Variants in CX3CR1 observed in about 807,000 individuals in gnomAD.
CX3CR1 encodes CX3C chemokine receptor 1.
For missense variants in CX3CR1, 363 were observed against 432.4 expected (o/e 0.84, Z 1.42); for synonymous variants, 168 against 178.5 (o/e 0.94, Z 0.47).
chr3:39,283,357 T>C (rs1169772210), upstream of CX3CR1, among the ~76,000 whole-genome samples: 1 of 152,178 alleles, frequency 6.6e-6, no homozygotes, highest in Non-Finnish European at 1.5e-5. Context: ...GAGGTGGTAT[T>C]ACTTCCAAGG....
upstream of CX3CR1, among the ~76,000 whole-genome samples, chr3:39,282,825 C>T (rs2040915843): frequency 6.6e-6 from 1 of 152,178 alleles, no homozygotes; most frequent in Non-Finnish European, 1.5e-5. Context: ...GAGGCAATGT[C>T]CTAAGTCCTC....
At chr3:39,284,927 G>A (rs1305699827), upstream of CX3CR1, among the ~76,000 whole-genome samples, 1 of 152,228 alleles carries the variant, frequency 6.6e-6, no homozygotes, top group Non-Finnish European at 1.5e-5. Flanking sequence ...TGAGGGTCAA[G>A]TGAGCATCCA....
the CX3CR1 span, among the ~76,000 whole-genome samples, chr3:39,292,211 G>A: frequency 6.6e-6 from 1 of 152,208 alleles, no homozygotes; most frequent in Non-Finnish European, 1.5e-5. Context: ...TGAGAGCTGG[G>A]TGTTCTCAGC....
At chr3:39,280,842 A>G (rs2040888881), upstream of CX3CR1, among the ~76,000 whole-genome samples, 2 of 152,130 alleles carry the variant, frequency 1.3e-5, no homozygotes, top group African/African-American at 4.8e-5. Flanking sequence ...CGTGAATCTC[A>G]ACTGCCACTG....
upstream of CX3CR1, among the ~76,000 whole-genome samples, chr3:39,284,187 T>G (rs953913600): frequency 2.6e-5 from 4 of 151,808 alleles, no homozygotes; most frequent in Non-Finnish European, 5.9e-5. Context: ...GTTTTTTTTT[T>G]TTGTTTGTTT....
At chr3:39,290,920 TCAAA>T in the CX3CR1 span, among the ~76,000 whole-genome samples, 2 of 151,904 alleles carry the variant, frequency 1.3e-5, no homozygotes, top group African/African-American at 2.4e-5. Flanking sequence ...AGACTCTGAC[TCAAA>T]CAAATAAATA....
upstream of CX3CR1, among the ~76,000 whole-genome samples, chr3:39,281,929 C>G (rs891255152): frequency 6.6e-6 from 1 of 152,196 alleles, no homozygotes; most frequent in Non-Finnish European, 1.5e-5. Context: ...TGAGAACCAG[C>G]GTCCAGTGTC....
intron 1 of CX3CR1, among the ~76,000 whole-genome samples, chr3:39,272,151 TAA>T (rs2125553028): frequency 6.6e-6 from 1 of 152,366 alleles, no homozygotes; most frequent in African/African-American, 2.4e-5. Flanking sequence ...GATGTTGCAC[TAA>T]TAAAGGCATC....
At chr3:39,291,778 A>G in the CX3CR1 span, among the ~76,000 whole-genome samples, 1 of 152,214 alleles carries the variant, frequency 6.6e-6, no homozygotes. Context: ...AGTAACTTGA[A>G]GACACTCAGC....
At chr3:39,288,887 G>A in the CX3CR1 span, among the ~76,000 whole-genome samples, 2,619 of 152,276 alleles carry the variant, frequency 0.017, 68 homozygotes, top group African/African-American at 0.059. Context: ...AGGGCAGGCC[G>A]GGCACAGTGG....
intron 1 of CX3CR1, among the ~76,000 whole-genome samples, chr3:39,279,106 C>T (rs1194719362): frequency 1.3e-5 from 2 of 151,848 alleles, no homozygotes; most frequent in African/African-American, 2.4e-5. Flanking sequence ...TGCAGTGAGC[C>T]GAGACTGTGC....
In CX3CR1 at chr3:39,266,192, G is replaced by A. The variant is rs766238334; in HGVS notation, c.318C>T (p.Thr106=). The A allele has an allele frequency of 3.0e-5, 49 of 1,614,070 alleles. No homozygotes were observed. The highest frequency in any genetic ancestry group is 1.5e-4 in the Admixed American group (9 of 60,006). The part of the protein sequence containing the change: ...GLHNAMCKFT[T]AFFFIGFFGS... ...CAAAAAAGCCGATGAAGAAGAAGGCGGTAGTGAATTTGCACATGGCATTGT... is the reference window on the plus strand; with the variant it reads ...CAAAAAAGCCGATGAAGAAGAAGGCAGTAGTGAATTTGCACATGGCATTGT... Residue 106 remains threonine (T), a synonymous_variant, in exon 2 of 2, where the codon ACC becomes ACT. Coordinates refer to ENST00000399220, the MANE Select transcript of CX3CR1 (RefSeq NM_001337.4).
rs1388950447 is a variant in CX3CR1 at position 39,264,101 on chromosome 3, A to G, written c.*1341T>C. On this transcript the variant is annotated 3_prime_UTR_variant, in exon 2 of 2. Coordinates refer to ENST00000399220, the MANE Select transcript of CX3CR1 (RefSeq NM_001337.4). ...GAGGGGATATTCAAGGCAGTCCAGGAGAGTTGGGTTACGGAAGGCTATCAC... is the reference window on the plus strand; with the variant it reads ...GAGGGGATATTCAAGGCAGTCCAGGGGAGTTGGGTTACGGAAGGCTATCAC... The G allele has an allele frequency of 6.6e-6, 1 of 152,158 alleles. No homozygotes were observed. The highest frequency in any genetic ancestry group is 1.9e-4 in the East Asian group (1 of 5,196). 9.4% of individuals were successfully genotyped at this position (152,158 alleles called of 1,614,324 possible).
chr3:39,282,247 G>A (rs1157522331), upstream of CX3CR1, among the ~76,000 whole-genome samples: 34 of 152,062 alleles, frequency 2.2e-4, no homozygotes, highest in Non-Finnish European at 1.5e-5. Flanking sequence ...ACGCCTCCTT[G>A]GGCCTCTGTA....
intron 1 of CX3CR1, among the ~76,000 whole-genome samples, chr3:39,268,693 G>A (rs2040734781): frequency 6.6e-6 from 1 of 152,060 alleles, no homozygotes. Flanking sequence ...CTGTGGACTC[G>A]GGCACTCCCG....
chr3:39,292,612 A>T, the CX3CR1 span, among the ~76,000 whole-genome samples: 1 of 152,206 alleles, frequency 6.6e-6, no homozygotes, highest in African/African-American at 2.4e-5. Context: ...ATGTGCCAGG[A>T]CCTGTGCTAA....
At chr3:39,275,077 A>C (rs1299832205) in intron 1 of CX3CR1, among the ~76,000 whole-genome samples, 1 of 152,086 alleles carries the variant, frequency 6.6e-6, no homozygotes, top group Non-Finnish European at 1.5e-5. Context: ...GGCCAGGCTG[A>C]TCTCAAATTC....
chr3:39,267,785 A>G (rs1207142422), intron 1 of CX3CR1, among the ~76,000 whole-genome samples: 1 of 152,150 alleles, frequency 6.6e-6, no homozygotes, highest in Non-Finnish European at 1.5e-5. Flanking sequence ...GGACTTCCCC[A>G]CTATTCTTAT....
intron 1 of CX3CR1, among the ~76,000 whole-genome samples, chr3:39,279,556 A>G (rs1312861080): frequency 6.6e-6 from 1 of 152,216 alleles, no homozygotes; most frequent in Non-Finnish European, 1.5e-5. Flanking sequence ...AATTTCACCC[A>G]TAAACACTTG....
Sources: gnomAD v4.1 joint callset for allele counts (sites outside exome capture counted in the v4.1 genomes callset) on GRCh38, gnomAD v4.1.1 for gene constraint, MANE v1.5 for transcripts, NCBI Gene and HGNC (gene_info 2026-07-23, HGNC 2026-07-21) for gene names.